Variants in CCDC192 observed in about 807,000 individuals in gnomAD.
CCDC192 encodes the protein coiled-coil domain-containing protein 192.
chr5:127,850,942 G>T lies in CCDC192; in HGVS notation c.412-24596G>T, dbSNP rs571760370. Among the ~76,000 whole-genome samples the T allele has an allele frequency of 2.6e-5, 4 of 152,218 alleles. No homozygotes were observed. The East Asian group carries it at 7.7e-4, about 29-fold the overall frequency. ...GGCCACACCACTGCACTCCAGCCTG[G>T]GCGACAGAGAGAGACTCCATCTTGA... On this transcript the variant is annotated intron_variant, in intron 5 of 6. Coordinates refer to ENST00000514853, the MANE Select transcript of CCDC192 (RefSeq NM_001317938.2).
In CCDC192 at chr5:127,931,818, A is replaced by T. The variant is rs117574868; in HGVS notation, c.536-9364A>T. ...AATCTAAATCCTAGATTGGGAAGAC[A>T]TCTAGGGGATCAATTTTTCTAACTT... On this transcript the variant is annotated intron_variant, in intron 6 of 6. Coordinates refer to ENST00000514853, the MANE Select transcript of CCDC192 (RefSeq NM_001317938.2). 4.6e-4 allele frequency among the ~76,000 whole-genome samples: 70 copies of T among 152,280 alleles called. No homozygotes were observed. The East Asian group carries it at 0.014, about 29-fold the overall frequency.
chr5:127,870,916 A>G (rs1751827357), intron 5 of CCDC192, among the ~76,000 whole-genome samples: 1 of 152,242 alleles, frequency 6.6e-6, no homozygotes, highest in South Asian at 2.1e-4. Context: ...TACCTTCTGT[A>G]TTCAAACCAA....
chr5:127,919,051 GTGTGTA>G (rs1252806141), intron 6 of CCDC192, among the ~76,000 whole-genome samples: 95 of 148,044 alleles, frequency 6.4e-4, no homozygotes, highest in Non-Finnish European at 9.9e-4. Flanking sequence ...ATATATCTGT[GTGTGTA>G]TGTGTGTGTG....
chr5:127,755,733 C>T (rs1431790567), intron 3 of CCDC192, among the ~76,000 whole-genome samples: 4 of 147,198 alleles, frequency 2.7e-5, no homozygotes, highest in Non-Finnish European at 6.0e-5. Flanking sequence ...AAAGATTTTT[C>T]AATGGATAAC....
chr5:127,824,941 T>C (rs1331150328), intron 5 of CCDC192, among the ~76,000 whole-genome samples: 1 of 152,200 alleles, frequency 6.6e-6, no homozygotes, highest in Non-Finnish European at 1.5e-5. Flanking sequence ...GTTTTTAATA[T>C]GGGAGAAGAC....
chr5:127,844,072 CT>C (rs1407316202), intron 5 of CCDC192, among the ~76,000 whole-genome samples: 1 of 152,198 alleles, frequency 6.6e-6, no homozygotes, highest in Non-Finnish European at 1.5e-5. Context: ...AACATCATCC[CT>C]TTTCAAGAGT....
intron 2 of CCDC192, among the ~76,000 whole-genome samples, chr5:127,749,404 C>G (rs541649814): frequency 1.1e-4 from 17 of 152,016 alleles, no homozygotes; most frequent in African/African-American, 4.1e-4. Flanking sequence ...TTTTTATATG[C>G]TGGATTACAT....
At chr5:127,891,846 T>C (rs1752741667) in intron 6 of CCDC192, among the ~76,000 whole-genome samples, 1 of 152,230 alleles carries the variant, frequency 6.6e-6, no homozygotes, top group Non-Finnish European at 1.5e-5. Context: ...GGTATTCAAC[T>C]GATAGTGCTT....
At chr5:127,796,405 T>A (rs1757168922) in intron 3 of CCDC192, among the ~76,000 whole-genome samples, 1 of 152,172 alleles carries the variant, frequency 6.6e-6, no homozygotes, top group South Asian at 2.1e-4. Context: ...TCAGGACTGT[T>A]GCTGACCTAT....
chr5:127,739,120 C>T (rs1753225215), intron 2 of CCDC192, among the ~76,000 whole-genome samples: 1 of 152,002 alleles, frequency 6.6e-6, no homozygotes, highest in South Asian at 2.1e-4. Flanking sequence ...TGTGGATGTC[C>T]TTTCTGTTTG....
chr5:127,822,498 T>C (rs749240198), intron 5 of CCDC192, among the ~76,000 whole-genome samples: 1 of 152,146 alleles, frequency 6.6e-6, no homozygotes, highest in East Asian at 1.9e-4. Context: ...CTTGTAAATA[T>C]ATGAAATATC....
chr5:127,746,041 G>A (rs1753721830), intron 2 of CCDC192, among the ~76,000 whole-genome samples: 1 of 152,142 alleles, frequency 6.6e-6, no homozygotes, highest in Non-Finnish European at 1.5e-5. Flanking sequence ...TTCTGTTAAT[G>A]GGGTTACCTC....
intron 3 of CCDC192, among the ~76,000 whole-genome samples, chr5:127,772,345 G>C (rs1755603067): frequency 6.6e-6 from 1 of 151,960 alleles, no homozygotes; most frequent in Admixed American, 6.6e-5. Context: ...TGTAATCCCA[G>C]CTACTCTGGA....
At chr5:127,704,824 G>A (rs1363917949) in intron 1 of CCDC192, among the ~76,000 whole-genome samples, 4 of 150,864 alleles carry the variant, frequency 2.7e-5, no homozygotes, top group African/African-American at 9.7e-5. Flanking sequence ...GGGCGACAGA[G>A]CGAAACTCCA....
intron 6 of CCDC192, among the ~76,000 whole-genome samples, chr5:127,916,291 G>C (rs931675671): frequency 7.9e-5 from 12 of 152,154 alleles, no homozygotes; most frequent in South Asian, 4.1e-4. Context: ...CATTTCTGCA[G>C]TTATTTTCTC....
chr5:127,924,751 A>T (rs1182664320), intron 6 of CCDC192, among the ~76,000 whole-genome samples: 1 of 152,166 alleles, frequency 6.6e-6, no homozygotes, highest in Admixed American at 6.5e-5. Flanking sequence ...CTATACAAAG[A>T]TTCTGGTGGT....
At chr5:127,899,496 C>T (rs1752982661) in intron 6 of CCDC192, among the ~76,000 whole-genome samples, 1 of 148,662 alleles carries the variant, frequency 6.7e-6, no homozygotes, top group African/African-American at 2.5e-5. Context: ...TGCTCCTGAA[C>T]TTAAAGAACA....
chr5:127,918,203 C>T (rs1353964253), intron 6 of CCDC192, among the ~76,000 whole-genome samples: 1 of 123,692 alleles, frequency 8.1e-6, no homozygotes, highest in African/African-American at 4.7e-5. Flanking sequence ...GGTTGCCAGA[C>T]ACCTTCAATT....
intron 6 of CCDC192, among the ~76,000 whole-genome samples, chr5:127,936,773 G>A (rs2126329457): frequency 6.6e-6 from 1 of 152,318 alleles, no homozygotes; most frequent in African/African-American, 2.4e-5. Context: ...GAGAAAATCT[G>A]GTCAGATAAC....
Sources: gnomAD v4.1 joint callset for allele counts (sites outside exome capture counted in the v4.1 genomes callset) on GRCh38, gnomAD v4.1.1 for gene constraint, MANE v1.5 for transcripts, NCBI Gene and HGNC (gene_info 2026-07-23, HGNC 2026-07-21) for gene names.